PSPC1: variants seen among roughly 807,000 people sequenced by gnomAD.
PSPC1 encodes the protein paraspeckle protein 1.
A neutral mutation model predicts 51.6 loss-of-function variants in PSPC1; 14 were observed. The ratio of observed to expected loss-of-function variants is 0.27; its 90% confidence interval spans 0.18 to 0.42. PSPC1 has a LOEUF of 0.42. Ranked by LOEUF, PSPC1 falls within the 10% of genes least tolerant of loss-of-function variation. PSPC1 has a pLI of 1.00. For synonymous variants in PSPC1, 193 were observed against 231.9 expected, an observed-to-expected ratio of 0.83 and a Z score of 1.53; for missense variants, 406 against 701.1, an observed-to-expected ratio of 0.58 and a Z score of 4.75.
intron 6 of PSPC1, among the ~76,000 whole-genome samples, chr13:19,681,357 G>C (rs1051763207): frequency 6.6e-6 from 1 of 151,896 alleles, no homozygotes; most frequent in Non-Finnish European, 1.5e-5. Flanking sequence ...GAAGACACAA[G>C]ATCTACTATT....
chr13:19,714,190 G>T (rs1203594573), intron 6 of PSPC1, among the ~76,000 whole-genome samples: 1 of 152,150 alleles, frequency 6.6e-6, no homozygotes, highest in Admixed American at 6.5e-5. Flanking sequence ...TTCTGAAGTA[G>T]GATGGTTATT....
At chr13:19,722,953 A>G (rs1184217882) in intron 6 of PSPC1, among the ~76,000 whole-genome samples, 3 of 152,088 alleles carry the variant, frequency 2.0e-5, no homozygotes, top group Non-Finnish European at 4.4e-5. Flanking sequence ...CTACTAAAAA[A>G]TACAAAAATT....
chr13:19,756,391 CCACCG>C lies in PSPC1; in HGVS notation c.770+2927_770+2931del, dbSNP rs537740066. On this transcript the variant is annotated intron_variant, in intron 3 of 8. Transcript: ENST00000338910. ...AAGACGCCAAGAACTTGGATACTCT[CCACCG>C]TTAACATATTTTGGTGAGCCAGCCA... 3.8e-3 allele frequency among the ~76,000 whole-genome samples: 586 copies of C among 152,294 alleles called. 4 individuals are homozygous for C. The highest frequency in any genetic ancestry group is 8.5e-3 in the South Asian group (41 of 4,824).
chr13:19,774,822 A>T (rs1301244308), intron 1 of PSPC1, among the ~76,000 whole-genome samples: 3 of 150,870 alleles, frequency 2.0e-5, no homozygotes, highest in East Asian at 1.9e-4. Context: ...AAAAAAACAA[A>T]AAAAAAAAAG....
chr13:19,771,596 CAATT>C (rs961169322), intron 2 of PSPC1, among the ~76,000 whole-genome samples: 13 of 151,630 alleles, frequency 8.6e-5, no homozygotes, highest in African/African-American at 2.7e-4. Context: ...TCACCACGCC[CAATT>C]AATTTTTGTA....
At position 19,766,819 on chromosome 13, in the gene PSPC1, C is replaced by T. The variant is rs369433401; in HGVS notation, c.674+5423G>A. Reference sequence around the variant, plus strand: ...GCAACGAGCTGTGATAATGCCACTGCGCTCCAGCCTGGGAGGCACACTGAG... The same window carrying T: ...GCAACGAGCTGTGATAATGCCACTGTGCTCCAGCCTGGGAGGCACACTGAG... On this transcript the variant is annotated intron_variant, in intron 2 of 8. Coordinates refer to ENST00000338910, the MANE Select transcript of PSPC1 (RefSeq NM_001354909.2). Among the ~76,000 whole-genome samples, 27 of 150,580 alleles carry T rather than the reference C, an allele frequency of 1.8e-4. 1 individual carries two copies. Among genetic ancestry groups the T allele is most frequent in the East Asian group, 1.4e-3 (7 of 5,092 alleles).
chr13:19,753,231 C>T (rs1203724733), intron 3 of PSPC1, among the ~76,000 whole-genome samples: 10 of 143,498 alleles, frequency 7.0e-5, no homozygotes, highest in Non-Finnish European at 1.0e-4. Flanking sequence ...TACAGTGAGC[C>T]GAGATTGTGC....
At chr13:19,672,062 C>T (rs765778163), downstream of PSPC1, 29 of 614,800 alleles carry the variant, frequency 4.7e-5, no homozygotes, top group Middle Eastern at 1.3e-3. Context: ...GCCGGAATCT[C>T]AGTGCAGTGT....
chr13:19,723,684 T>G (rs551103513), intron 6 of PSPC1, among the ~76,000 whole-genome samples: 6 of 152,340 alleles, frequency 3.9e-5, no homozygotes, highest in Admixed American at 2.0e-4. Flanking sequence ...ATCCTACAAA[T>G]CAATTCTAAG....
intron 6 of PSPC1, among the ~76,000 whole-genome samples, chr13:19,716,313 G>T (rs1882085240): frequency 6.6e-6 from 1 of 152,138 alleles, no homozygotes; most frequent in African/African-American, 2.4e-5. Context: ...CAGTACTCAG[G>T]TAAAGCTAAA....
At chr13:19,671,309 AT>A (rs1876114356), downstream of PSPC1, 2 of 1,587,938 alleles carry the variant, frequency 1.3e-6, no homozygotes, top group East Asian at 4.5e-5. Context: ...CTTTCTTCAC[AT>A]TTAGTGTCAC....
At chr13:19,775,905 G>T (rs952813259) in intron 1 of PSPC1, among the ~76,000 whole-genome samples, 2 of 152,064 alleles carry the variant, frequency 1.3e-5, no homozygotes, top group Non-Finnish European at 2.9e-5. Flanking sequence ...AAAAAAATTA[G>T]CCGGACGTGG....
chr13:19,728,789 A>C (rs1168544845), intron 6 of PSPC1, among the ~76,000 whole-genome samples: 1 of 152,232 alleles, frequency 6.6e-6, no homozygotes, highest in African/African-American at 2.4e-5. Flanking sequence ...AGTCAGTGTT[A>C]CACAATTATC....
chr13:19,769,328 G>A (rs1292073321), intron 2 of PSPC1, among the ~76,000 whole-genome samples: 1 of 151,930 alleles, frequency 6.6e-6, no homozygotes, highest in Admixed American at 6.6e-5. Flanking sequence ...GGCCGAGGCA[G>A]GTGGATCACG....
intron 4 of PSPC1, among the ~76,000 whole-genome samples, chr13:19,742,318 A>C (rs1333930335): frequency 6.6e-6 from 1 of 151,998 alleles, no homozygotes. Flanking sequence ...ACGTCAAGAA[A>C]TTAAAATAGG....
chr13:19,673,193 G>A (rs1442481398), downstream of PSPC1: 1 of 442,064 alleles, frequency 2.3e-6, no homozygotes, highest in Non-Finnish European at 4.5e-6. Flanking sequence ...GCTGTCAGCT[G>A]TGTGGGAGCC....
At chr13:19,742,792 C>A (rs1304102655) in intron 4 of PSPC1, among the ~76,000 whole-genome samples, 1 of 152,088 alleles carries the variant, frequency 6.6e-6, no homozygotes, top group Non-Finnish European at 1.5e-5. Context: ...AGCCCCAACA[C>A]ATGCCTTCAG....
chr13:19,730,946 GAAAAAAAAAACAAAAAAACA>G lies in PSPC1; in HGVS notation c.1053-622_1053-603del, dbSNP rs1200344168. 5.9e-4 allele frequency among the ~76,000 whole-genome samples: 15 copies of G among 25,250 alleles called. 1 individual carries two copies. The highest frequency in any genetic ancestry group is 4.0e-3 in the East Asian group (1 of 250). 16.6% of individuals were successfully genotyped at this position (25,250 alleles called of 152,430 possible). A position where few individuals can be genotyped will look rare whatever the true frequency, so the allele number is the denominator to read the frequency against. The stretch of plus-strand genomic sequence containing the variant: ...TGGGCAACAGTGAGACCCTGTCTCA[GAAAAAAAAAACAAAAAAACA>G]AAAAAAAAAAAAACAGAAAAAGTCT... On this transcript the variant is annotated intron_variant, in intron 5 of 8. Coordinates refer to ENST00000338910, the MANE Select transcript of PSPC1 (RefSeq NM_001354909.2).
chr13:19,721,595 C>T (rs1882773491), intron 6 of PSPC1, among the ~76,000 whole-genome samples: 1 of 152,156 alleles, frequency 6.6e-6, no homozygotes, highest in Admixed American at 6.6e-5. Flanking sequence ...ATTTCATTTT[C>T]TAAATTCTCA....
Sources: gnomAD v4.1 joint callset for allele counts (sites outside exome capture counted in the v4.1 genomes callset) on GRCh38, gnomAD v4.1.1 for gene constraint, MANE v1.5 for transcripts, NCBI Gene and HGNC (gene_info 2026-07-23, HGNC 2026-07-21) for gene names.